OPCML: variants seen among roughly 807,000 people sequenced by gnomAD.
The protein encoded by OPCML is opioid-binding protein/cell adhesion molecule.
Under a neutral mutation model 37.8 loss-of-function variants are expected in OPCML, and 13 were observed. The ratio of observed to expected loss-of-function variants is 0.34; its 90% CI spans 0.22 to 0.55. OPCML has a LOEUF of 0.55. Among genes scored for constraint, OPCML ranks in the 20% least tolerant of loss-of-function variants. The pLI, the probability that OPCML is intolerant of heterozygous loss-of-function variation, is 0.91. For synonymous variants in OPCML, 176 were observed against 168.8 expected (o/e 1.04, Z -0.33); for missense variants, 341 against 435.6 (o/e 0.78, Z 1.93).
At chr11:132,940,057 C>A (rs1680479211) in intron 2 of OPCML, among the ~76,000 whole-genome samples, 1 of 152,178 alleles carries the variant, frequency 6.6e-6, no homozygotes, top group South Asian at 2.1e-4. Flanking sequence ...GATAATATTG[C>A]CTCACTTACA....
chr11:132,965,462 T>C lies in OPCML; in HGVS notation c.62-22452A>G, dbSNP rs542225177. On this transcript the variant is annotated intron_variant, in intron 1 of 7. Coordinates refer to ENST00000524381, the MANE Select transcript of OPCML (RefSeq NM_001012393.5). ...TAGTAGTTGTGAATTTCTGGGAATT[T>C]AGCTATTTCATCTAAGTTATCTAAT... Among the ~76,000 whole-genome samples, 5 of 152,320 alleles carry C rather than the reference T, an allele frequency of 3.3e-5. No individual in the cohort carries two copies. The East Asian group carries it at 7.7e-4, about 24-fold the overall frequency.
At chr11:133,491,125 A>C (rs981281976) in intron 1 of OPCML, among the ~76,000 whole-genome samples, 1 of 152,238 alleles carries the variant, frequency 6.6e-6, no homozygotes, top group Non-Finnish European at 1.5e-5. Context: ...AAGGTCAATG[A>C]ACTGGGTAAG....
intron 4 of OPCML, among the ~76,000 whole-genome samples, chr11:132,489,451 C>T (rs542190701): frequency 1.1e-4 from 16 of 152,262 alleles, no homozygotes; most frequent in African/African-American, 3.6e-4. Flanking sequence ...CAGTAACGAT[C>T]GTTTATTGTC....
chr11:132,692,524 T>A (rs1351477582), intron 2 of OPCML, among the ~76,000 whole-genome samples: 2 of 152,230 alleles, frequency 1.3e-5, no homozygotes, highest in Non-Finnish European at 2.9e-5. Flanking sequence ...CTTGCCACTT[T>A]GGTGGAAAAT....
chr11:132,427,615 A>T (rs2136685044), intron 7 of OPCML, among the ~76,000 whole-genome samples: 1 of 152,348 alleles, frequency 6.6e-6, no homozygotes, highest in African/African-American at 2.4e-5. Flanking sequence ...GCTTACTACA[A>T]AAACAAAAGC....
intron 2 of OPCML, among the ~76,000 whole-genome samples, chr11:132,787,451 T>C (rs1436227960): frequency 6.6e-6 from 1 of 152,192 alleles, no homozygotes; most frequent in African/African-American, 2.4e-5. Context: ...TCCTTACTAA[T>C]TGAGGGCAAA....
At chr11:133,437,951 C>G (rs1231019783) in intron 1 of OPCML, among the ~76,000 whole-genome samples, 1 of 151,828 alleles carries the variant, frequency 6.6e-6, no homozygotes, top group Non-Finnish European at 1.5e-5. Flanking sequence ...GGAAATTTTG[C>G]CATCCATAAA....
At chr11:132,518,475 T>C (rs1427099892) in intron 4 of OPCML, among the ~76,000 whole-genome samples, 2 of 152,216 alleles carry the variant, frequency 1.3e-5, no homozygotes, top group Non-Finnish European at 2.9e-5. Flanking sequence ...CTGCTTTCTA[T>C]GCATTCAAGA....
intron 4 of OPCML, among the ~76,000 whole-genome samples, chr11:132,446,936 G>C (rs557607263): frequency 1.3e-5 from 2 of 152,244 alleles, no homozygotes; most frequent in African/African-American, 4.8e-5. Context: ...TATTTTTGTA[G>C]TATAGGAGTG....
At chr11:133,375,193 A>G (rs1298838349) in intron 1 of OPCML, among the ~76,000 whole-genome samples, 1 of 152,162 alleles carries the variant, frequency 6.6e-6, no homozygotes, top group Non-Finnish European at 1.5e-5. Context: ...GACGTGCTAG[A>G]TGTACTACCG....
intron 1 of OPCML, among the ~76,000 whole-genome samples, chr11:133,272,649 T>C (rs1050791221): frequency 1.3e-5 from 2 of 151,426 alleles, no homozygotes; most frequent in African/African-American, 4.9e-5. Flanking sequence ...CAGGAGGAGG[T>C]GGATTGAGGG....
In OPCML at chr11:132,644,124, A is replaced by G. The variant is rs533546923; in HGVS notation, c.379+12963T>C. Reference sequence around the variant, plus strand: ...AATCTGTGCTTTCCCCTGAAAAATCATAATAACCAAAAGAACCAATAACAA... The same window carrying G: ...AATCTGTGCTTTCCCCTGAAAAATCGTAATAACCAAAAGAACCAATAACAA... On this transcript the variant is annotated intron_variant, in intron 3 of 7. Transcript: ENST00000524381. 7.2e-5 allele frequency among the ~76,000 whole-genome samples: 11 copies of G among 152,370 alleles called. No individual in the cohort carries two copies. In the South Asian group the frequency reaches 1.2e-3, roughly 17 times the overall value.
At chr11:132,496,087 T>C (rs1429195255) in intron 4 of OPCML, among the ~76,000 whole-genome samples, 1 of 152,136 alleles carries the variant, frequency 6.6e-6, no homozygotes, top group African/African-American at 2.4e-5. Flanking sequence ...ATCATCAACA[T>C]GACCTGGAAT....
At chr11:133,453,554 T>C (rs1416977987) in intron 1 of OPCML, among the ~76,000 whole-genome samples, 2 of 152,224 alleles carry the variant, frequency 1.3e-5, no homozygotes, top group African/African-American at 4.8e-5. Context: ...TTGATGTGTA[T>C]TTTAAAATTT....
At chr11:132,492,213 G>A (rs970225356) in intron 4 of OPCML, among the ~76,000 whole-genome samples, 3 of 152,018 alleles carry the variant, frequency 2.0e-5, no homozygotes, top group East Asian at 1.9e-4. Flanking sequence ...CCTTTACTGT[G>A]AGTGAAAAGG....
At chr11:132,615,072 A>T (rs1328876038) in intron 3 of OPCML, among the ~76,000 whole-genome samples, 3 of 152,210 alleles carry the variant, frequency 2.0e-5, no homozygotes, top group Non-Finnish European at 4.4e-5. Flanking sequence ...AATGAGAAAA[A>T]CAGTCTTTGA....
At chr11:133,083,016 C>T (rs544382045) in intron 1 of OPCML, among the ~76,000 whole-genome samples, 142 of 151,360 alleles carry the variant, frequency 9.4e-4, no homozygotes, top group African/African-American at 3.0e-3. Context: ...GAGCCCGCGG[C>T]GGACGCCCCA....
At chr11:132,510,107 A>G (rs1281786335) in intron 4 of OPCML, among the ~76,000 whole-genome samples, 1 of 152,168 alleles carries the variant, frequency 6.6e-6, no homozygotes, top group Non-Finnish European at 1.5e-5. Flanking sequence ...GTCAAAGGAG[A>G]TCATTTTGGA....
chr11:133,464,408 T>C (rs1472303416), intron 1 of OPCML, among the ~76,000 whole-genome samples: 1 of 151,960 alleles, frequency 6.6e-6, no homozygotes, highest in African/African-American at 2.4e-5. Context: ...AGGCAAGAAA[T>C]AGTGAATTAT....
Sources: gnomAD v4.1 joint callset for allele counts (sites outside exome capture counted in the v4.1 genomes callset) on GRCh38, gnomAD v4.1.1 for gene constraint, MANE v1.5 for transcripts, NCBI Gene and HGNC (gene_info 2026-07-23, HGNC 2026-07-21) for gene names.